The following KCNH5 variants were observed in gnomAD, a reference collection of about 807,000 sequenced individuals.
KCNH5 encodes the protein voltage-gated delayed rectifier potassium channel KCNH5.
A neutral mutation model predicts 96.1 loss-of-function variants in KCNH5; 46 were observed. The observed-to-expected ratio is 0.48, with a 90% CI of 0.38 to 0.61. The LOEUF is 0.61. Ranked by LOEUF, KCNH5 falls within the 20% of genes least tolerant of loss-of-function variation. The probability of loss-of-function intolerance (pLI) is 0.00; values close to 1 mark genes in which losing one functional copy is unlikely to be tolerated. For synonymous variants in KCNH5, 439 were observed against 449.8 expected (o/e 0.98, Z 0.30); for missense variants, 907 against 1,225.8 (o/e 0.74, Z 3.88).
chr14:62,895,804 A>G (rs941337812), intron 7 of KCNH5, among the ~76,000 whole-genome samples: 1 of 152,174 alleles, frequency 6.6e-6, no homozygotes, highest in African/African-American at 2.4e-5. Context: ...CTCCAAAGAC[A>G]TATTTTGTAA....
At chr14:62,790,296 T>C (rs983402097) in intron 9 of KCNH5, among the ~76,000 whole-genome samples, 1 of 151,902 alleles carries the variant, frequency 6.6e-6, no homozygotes, top group East Asian at 1.9e-4. Flanking sequence ...CCGTTTTAAT[T>C]ACTAGACATT....
intron 1 of KCNH5, among the ~76,000 whole-genome samples, chr14:63,017,839 T>C (rs1276123329): frequency 6.6e-6 from 1 of 151,910 alleles, no homozygotes; most frequent in African/African-American, 2.4e-5. Flanking sequence ...CAGGGTAGTA[T>C]ACTAAAAATA....
intron 6 of KCNH5, among the ~76,000 whole-genome samples, chr14:62,958,287 A>C (rs940552120): frequency 1.3e-5 from 2 of 152,202 alleles, no homozygotes; most frequent in Non-Finnish European, 2.9e-5. Flanking sequence ...AATCTTATAA[A>C]TATTTCTAAA....
intron 7 of KCNH5, among the ~76,000 whole-genome samples, chr14:62,907,509 G>A (rs1477975523): frequency 6.6e-6 from 1 of 152,108 alleles, no homozygotes; most frequent in East Asian, 1.9e-4. Context: ...GGAAGGAAAG[G>A]GCAACTGCCA....
intron 7 of KCNH5, among the ~76,000 whole-genome samples, chr14:62,871,578 A>G (rs1474604300): frequency 6.6e-6 from 1 of 152,246 alleles, no homozygotes; most frequent in Non-Finnish European, 1.5e-5. Context: ...TTGGAAATTT[A>G]GGATGTAGTT....
chr14:62,701,567 G>C lies in KCNH5; in HGVS notation c.*5941C>G, dbSNP rs902628434. 6.6e-6 allele frequency: 1 copy of C among 152,040 alleles called. No individual in the cohort carries two copies. The highest frequency in any genetic ancestry group is 1.5e-5 in the Non-Finnish European group (1 of 67,962). The allele number at this position is 152,040 out of a possible 1,614,324, so 9.4% of individuals were successfully genotyped here. A position where few individuals can be genotyped will look rare whatever the true frequency, so the allele number is the denominator to read the frequency against. On this transcript the variant is annotated 3_prime_UTR_variant, in exon 11 of 11. Transcript: ENST00000322893. Reference sequence around the variant, plus strand: ...TAAAAAGCTTTGGATGGTGTCAGTGGGGTCCTTCACAGTCATTATTTTAAA... The same window carrying C: ...TAAAAAGCTTTGGATGGTGTCAGTGCGGTCCTTCACAGTCATTATTTTAAA...
intron 7 of KCNH5, among the ~76,000 whole-genome samples, chr14:62,886,125 CACACACACA>C (rs1888591547): frequency 3.3e-5 from 1 of 29,866 alleles, no homozygotes; most frequent in South Asian, 2.1e-3. Context: ...GCAGAGGACA[CACACACACA>C]CACACACACA....
intron 5 of KCNH5, among the ~76,000 whole-genome samples, chr14:62,982,070 C>T (rs1184383372): frequency 6.6e-6 from 1 of 152,096 alleles, no homozygotes; most frequent in African/African-American, 2.4e-5. Context: ...CCTTCTGGAA[C>T]CTGGAACCTG....
At chr14:62,928,209 G>T (rs1323310113) in intron 7 of KCNH5, among the ~76,000 whole-genome samples, 1 of 152,084 alleles carries the variant, frequency 6.6e-6, no homozygotes, top group African/African-American at 2.4e-5. Flanking sequence ...ACATGATCCT[G>T]CAGAAGTCAT....
chr14:62,888,541 T>C (rs1019295141), intron 7 of KCNH5, among the ~76,000 whole-genome samples: 1 of 152,162 alleles, frequency 6.6e-6, no homozygotes, highest in Admixed American at 6.5e-5. Flanking sequence ...ATCTATATTT[T>C]TATATTTTTT....
At chr14:62,973,815 G>T (rs1463093815) in intron 6 of KCNH5, among the ~76,000 whole-genome samples, 1 of 152,038 alleles carries the variant, frequency 6.6e-6, no homozygotes, top group Admixed American at 6.5e-5. Flanking sequence ...AAAGGTAATG[G>T]CAAGCCAACT....
chr14:62,867,768 T>C (rs896841240), intron 7 of KCNH5, among the ~76,000 whole-genome samples: 1 of 152,172 alleles, frequency 6.6e-6, no homozygotes, highest in African/African-American at 2.4e-5. Flanking sequence ...ACTGGCCCCA[T>C]GGATTCCTGT....
chr14:62,813,934 G>A (rs1248013016), intron 8 of KCNH5, among the ~76,000 whole-genome samples: 7 of 152,146 alleles, frequency 4.6e-5, no homozygotes, highest in Non-Finnish European at 1.0e-4. Flanking sequence ...CCAAGCAAAA[G>A]GAAGTTGCTC....
At chr14:62,865,512 T>C (rs1363167877) in intron 7 of KCNH5, among the ~76,000 whole-genome samples, 1 of 151,916 alleles carries the variant, frequency 6.6e-6, no homozygotes, top group African/African-American at 2.4e-5. Flanking sequence ...AGTAAACCAA[T>C]AGAAATGAGG....
intron 7 of KCNH5, among the ~76,000 whole-genome samples, chr14:62,946,910 G>A (rs1252740776): frequency 6.6e-6 from 1 of 152,100 alleles, no homozygotes; most frequent in African/African-American, 2.4e-5. Context: ...AGTTTTCAGG[G>A]AATAGGGATA....
chr14:62,790,923 A>G (rs1886420951), intron 9 of KCNH5, among the ~76,000 whole-genome samples: 1 of 151,782 alleles, frequency 6.6e-6, no homozygotes, highest in Admixed American at 6.6e-5. Flanking sequence ...CTACAAACAG[A>G]GATAATTTTA....
rs769985741 is a variant in KCNH5, at chr14:62,852,281, T to C, written c.1370-2429A>G. 1.1e-3 allele frequency among the ~76,000 whole-genome samples: 168 copies of C among 152,310 alleles called. 1 individual carries two copies. The highest frequency in any genetic ancestry group is 2.1e-3 in the Non-Finnish European group (146 of 68,008). On this transcript the variant is annotated intron_variant, in intron 7 of 10. Transcript: ENST00000322893. ...TTGTGCTACTGAACCTGGATCTTAC[T>C]TGTATTTTTGTACCCATTAACCAAC...
chr14:62,791,160 G>T (rs1281401257), intron 9 of KCNH5, among the ~76,000 whole-genome samples: 2 of 151,624 alleles, frequency 1.3e-5, no homozygotes, highest in Non-Finnish European at 3.0e-5. Flanking sequence ...GAAATGAAAG[G>T]ATAATAACTA....
intron 1 of KCNH5, among the ~76,000 whole-genome samples, chr14:63,041,847 A>G (rs1291455122): frequency 6.6e-6 from 1 of 152,140 alleles, no homozygotes; most frequent in East Asian, 1.9e-4. Context: ...GTGAAATAAT[A>G]GCATAGGTTA....
Sources: allele counts gnomAD v4.1 joint callset (sites outside exome capture counted in the v4.1 genomes callset), GRCh38; gene constraint gnomAD v4.1.1; transcripts MANE v1.5; gene names NCBI Gene and HGNC (gene_info 2026-07-23, HGNC 2026-07-21).